DLGAP4: variants seen among roughly 807,000 people sequenced by gnomAD.
DLGAP4 encodes the protein DLG associated protein 4.
DLGAP4 carries 18 observed loss-of-function variants against 86.9 expected under a neutral mutation model. That is an observed-to-expected ratio of 0.21 (90% confidence interval 0.14 to 0.31). The LOEUF (loss-of-function observed/expected upper bound fraction) is 0.31. Ranked by LOEUF, DLGAP4 falls within the 10% of genes least tolerant of loss-of-function variation. The probability of loss-of-function intolerance (pLI) is 1.00; values close to 1 mark genes in which losing one functional copy is unlikely to be tolerated. For synonymous variants in DLGAP4, 548 were observed against 574.3 expected (o/e 0.95, Z 0.65); for missense variants, 1,085 against 1,362.6 (o/e 0.80, Z 3.21).
At chr20:36,512,068 TGAGA>T (rs1276605546) in intron 10 of DLGAP4, among the ~76,000 whole-genome samples, 4 of 139,858 alleles carry the variant, frequency 2.9e-5, no homozygotes, top group East Asian at 4.0e-4. Flanking sequence ...TTTTTTTTTT[TGAGA>T]GAGAGTCTTG....
At chr20:36,439,948 C>A in intron 5 of DLGAP4, 80 bp downstream of exon 5, 9 of 1,279,190 alleles carry the variant, frequency 7.0e-6, no homozygotes, top group Admixed American at 1.9e-5. Context: ...CGCCCAGGCC[C>A]AGCCCATGCT....
intron 2 of DLGAP4, among the ~76,000 whole-genome samples, chr20:36,379,172 C>A (rs2031276872): frequency 6.6e-6 from 1 of 152,142 alleles, no homozygotes; most frequent in Non-Finnish European, 1.5e-5. Context: ...TGGAGCTGGC[C>A]CTGCAAATGC....
At chr20:36,374,194 G>C (rs905378769) in intron 2 of DLGAP4, among the ~76,000 whole-genome samples, 1 of 152,154 alleles carries the variant, frequency 6.6e-6, no homozygotes, top group African/African-American at 2.4e-5. Context: ...TGTCCTGCCA[G>C]GGAGCTGTCC....
chr20:36,317,271 CTT>C (rs1600393190), intron 1 of DLGAP4, among the ~76,000 whole-genome samples: 1 of 18,002 alleles, frequency 5.6e-5, no homozygotes, highest in African/African-American at 2.4e-4. Flanking sequence ...TTCTTTCTTT[CTT>C]TCTTATCTTT....
At chr20:36,481,772 C>T (rs2035197796) in intron 7 of DLGAP4, among the ~76,000 whole-genome samples, 1 of 152,114 alleles carries the variant, frequency 6.6e-6, no homozygotes, top group African/African-American at 2.4e-5. Flanking sequence ...TGACGATATC[C>T]CTTGCCTGGA....
At position 36,436,501 on chromosome 20, in the gene DLGAP4, C is replaced by T. The variant is rs949174052; in HGVS notation, c.1241+151C>T. On this transcript the variant is annotated intron_variant, in intron 4 of 12. Coordinates refer to ENST00000339266, the MANE Select transcript of DLGAP4 (RefSeq NM_001365621.2). ...GAGCCACGCCCACTCATGAGTCCTGCTTCTTGAGAGAACCCCTTCATTGAA... is the reference window on the plus strand; with the variant it reads ...GAGCCACGCCCACTCATGAGTCCTGTTTCTTGAGAGAACCCCTTCATTGAA... 16 of 1,329,838 alleles carry T rather than the reference C, an allele frequency of 1.2e-5. No homozygotes were observed. The East Asian group carries it at 2.1e-4, about 17-fold the overall frequency. The allele number at this position is 1,329,838 out of a possible 1,614,324, so 82.4% of individuals were successfully genotyped here. A position where few individuals can be genotyped will look rare whatever the true frequency, so the allele number is the denominator to read the frequency against.
chr20:36,386,044 G>T (rs1450018408), intron 2 of DLGAP4, among the ~76,000 whole-genome samples: 1 of 152,186 alleles, frequency 6.6e-6, no homozygotes, highest in African/African-American at 2.4e-5. Flanking sequence ...GAGAACAGGA[G>T]GGAAAGGAAG....
intron 1 of DLGAP4, among the ~76,000 whole-genome samples, chr20:36,339,012 T>C (rs782785739): frequency 1.6e-4 from 24 of 152,202 alleles, no homozygotes; most frequent in Admixed American, 3.9e-4. Flanking sequence ...AGCGGCTCTC[T>C]CGGGAGACAT....
intron 3 of DLGAP4, among the ~76,000 whole-genome samples, chr20:36,433,714 C>T (rs941735463): frequency 2.0e-5 from 3 of 151,702 alleles, no homozygotes; most frequent in African/African-American, 4.8e-5. Context: ...TGCAGTGGCG[C>T]GATCTCGGCT....
intron 7 of DLGAP4, among the ~76,000 whole-genome samples, chr20:36,484,227 G>A (rs986085122): frequency 7.2e-5 from 11 of 152,200 alleles, no homozygotes; most frequent in Non-Finnish European, 1.6e-4. Flanking sequence ...AGTGCTTCAT[G>A]CTAGGCCAGT....
In DLGAP4 at chr20:36,455,968, A is replaced by G. The variant is rs548947963; in HGVS notation, c.1648+9031A>G. Among the ~76,000 whole-genome samples, 124 of 152,252 alleles carry G rather than the reference A, an allele frequency of 8.1e-4. No individual in the cohort carries two copies. The South Asian group carries it at 0.012, about 14-fold the overall frequency. On this transcript the variant is annotated intron_variant, in intron 7 of 12. Coordinates refer to ENST00000339266, the MANE Select transcript of DLGAP4 (RefSeq NM_001365621.2). ...AGGGCTAAGAGGAAACTCAAAGACCATCATGTCCGGAGATTGCAAATGGAC... is the reference window on the plus strand; with the variant it reads ...AGGGCTAAGAGGAAACTCAAAGACCGTCATGTCCGGAGATTGCAAATGGAC...
At chr20:36,480,418 G>A (rs753016219) in intron 7 of DLGAP4, among the ~76,000 whole-genome samples, 55 of 152,144 alleles carry the variant, frequency 3.6e-4, no homozygotes, top group Non-Finnish European at 3.4e-4. Context: ...CGGAGGTAGG[G>A]GGGTAAAAAA....
intron 2 of DLGAP4, among the ~76,000 whole-genome samples, chr20:36,403,704 A>G (rs2032230764): frequency 6.6e-6 from 1 of 152,228 alleles, no homozygotes; most frequent in Non-Finnish European, 1.5e-5. Flanking sequence ...CACTAAACAC[A>G]TGTTATCACA....
At chr20:36,367,815 A>G (rs1273435481) in intron 2 of DLGAP4, among the ~76,000 whole-genome samples, 1 of 152,102 alleles carries the variant, frequency 6.6e-6, no homozygotes, top group Non-Finnish European at 1.5e-5. Flanking sequence ...CCCGTCTCCA[A>G]CCGTCTGTCT....
At chr20:36,470,157 T>C (rs1408945566) in intron 7 of DLGAP4, among the ~76,000 whole-genome samples, 1 of 152,100 alleles carries the variant, frequency 6.6e-6, no homozygotes. Context: ...TCCCCTCCCT[T>C]ATCAGTTTCA....
At chr20:36,397,693 T>C (rs2032040053) in intron 2 of DLGAP4, among the ~76,000 whole-genome samples, 1 of 152,252 alleles carries the variant, frequency 6.6e-6, no homozygotes, top group Non-Finnish European at 1.5e-5. Context: ...ATTTTCCTTT[T>C]GGTTTCTTCC....
intron 2 of DLGAP4, among the ~76,000 whole-genome samples, chr20:36,396,356 C>CA (rs144783809): frequency 0.076 from 2,041 of 26,860 alleles, 49 homozygotes; most frequent in South Asian, 0.16. Flanking sequence ...CACACACATA[C>CA]CACACGCACA....
In DLGAP4 at chr20:36,496,698, T is replaced by C; in HGVS notation, c.1649-7T>C. Reference sequence around the variant, plus strand: ...CTCTCCCCTGCCCTTCTCTCATCCATCTGCAGGTTCATCATGCCTAGTGGC... The same window carrying C: ...CTCTCCCCTGCCCTTCTCTCATCCACCTGCAGGTTCATCATGCCTAGTGGC... On this transcript the variant is annotated splice_region_variant and splice_polypyrimidine_tract_variant and intron_variant, in intron 7 of 12. Coordinates refer to ENST00000339266, the MANE Select transcript of DLGAP4 (RefSeq NM_001365621.2). 6.3e-7 allele frequency: 1 copy of C among 1,595,852 alleles called. No homozygotes were observed. The highest frequency in any genetic ancestry group is 8.6e-7 in the Non-Finnish European group (1 of 1,165,576).
intron 7 of DLGAP4, among the ~76,000 whole-genome samples, chr20:36,469,130 C>T (rs2034545571): frequency 6.6e-6 from 1 of 152,222 alleles, no homozygotes; most frequent in Non-Finnish European, 1.5e-5. Flanking sequence ...CTTGACCAAG[C>T]TCACTGTGGC....
Sources: allele counts gnomAD v4.1 joint callset (sites outside exome capture counted in the v4.1 genomes callset), GRCh38; gene constraint gnomAD v4.1.1; transcripts MANE v1.5; gene names NCBI Gene and HGNC (gene_info 2026-07-23, HGNC 2026-07-21).